The following PBX1 variants were observed in gnomAD, a reference collection of about 807,000 sequenced individuals.
The protein encoded by PBX1 is pre-B-cell leukemia transcription factor 1.
PBX1 carries 6 observed loss-of-function variants against 53.4 expected under a neutral mutation model. The ratio of observed to expected loss-of-function variants is 0.11; its 90% CI spans 0.06 to 0.22. The LOEUF (loss-of-function observed/expected upper bound fraction) is 0.22. Ranked by LOEUF, PBX1 falls within the 10% of genes least tolerant of loss-of-function variation. The pLI is 1.00. For missense variants in PBX1, 251 were observed against 551.4 expected, an observed-to-expected ratio of 0.46 and a Z score of 5.46; for synonymous variants, 204 against 212.3, an observed-to-expected ratio of 0.96 and a Z score of 0.34.
intron 2 of PBX1, among the ~76,000 whole-genome samples, chr1:164,742,126 A>G (rs1026426444): frequency 1.3e-5 from 2 of 152,166 alleles, no homozygotes; most frequent in Non-Finnish European, 2.9e-5. Context: ...GAAACTGCAG[A>G]TTAGGGAAAC....
chr1:164,803,437 T>G (rs1669184521), intron 4 of PBX1, among the ~76,000 whole-genome samples: 1 of 152,190 alleles, frequency 6.6e-6, no homozygotes, highest in Admixed American at 6.5e-5. Flanking sequence ...ATTCCTTGAG[T>G]GCTTACTATA....
intron 2 of PBX1, among the ~76,000 whole-genome samples, chr1:164,675,871 A>C (rs1661405285): frequency 6.6e-6 from 1 of 152,100 alleles, no homozygotes; most frequent in Non-Finnish European, 1.5e-5. Flanking sequence ...CTTTTTGTGC[A>C]TGCCCGTGTT....
chr1:164,640,464 C>T (rs1659052265), intron 2 of PBX1, among the ~76,000 whole-genome samples: 1 of 151,772 alleles, frequency 6.6e-6, no homozygotes, highest in Non-Finnish European at 1.5e-5. Flanking sequence ...CCTGGTGCAA[C>T]ACACATACTG....
chr1:164,854,458 T>TCTTA (rs762572907), downstream of PBX1: 5 of 152,138 alleles, frequency 3.3e-5, no homozygotes, highest in Non-Finnish European at 7.3e-5. Context: ...AAGAACCTAG[T>TCTTA]CTTATCAAAT....
intron 1 of PBX1, among the ~76,000 whole-genome samples, chr1:164,561,964 AC>A (rs1249518551): frequency 6.6e-6 from 1 of 150,856 alleles, no homozygotes; most frequent in Non-Finnish European, 1.5e-5. Flanking sequence ...TTTTTTTTCT[AC>A]CCCACATGAG....
intron 2 of PBX1, among the ~76,000 whole-genome samples, chr1:164,615,502 G>A (rs1657220897): frequency 6.6e-6 from 1 of 151,862 alleles, no homozygotes; most frequent in South Asian, 2.1e-4. Context: ...TTATACTGTG[G>A]TGATTCCCTA....
At chr1:164,827,031 A>G (rs2102379591) in intron 8 of PBX1, among the ~76,000 whole-genome samples, 1 of 152,356 alleles carries the variant, frequency 6.6e-6, no homozygotes, top group South Asian at 2.1e-4. Flanking sequence ...TTTACCAAGT[A>G]AATAAATAGT....
intron 2 of PBX1, among the ~76,000 whole-genome samples, chr1:164,632,935 T>G (rs1198705646): frequency 6.6e-6 from 1 of 152,134 alleles, no homozygotes; most frequent in African/African-American, 2.4e-5. Flanking sequence ...AGTTAAGACC[T>G]GGAAGAGACT....
intron 2 of PBX1, chr1:164,626,123 G>C: frequency 9.8e-7 from 1 of 1,021,794 alleles, no homozygotes; most frequent in Non-Finnish European, 1.2e-6. Flanking sequence ...TTTGCAGGCT[G>C]AATGGCCAGT....
intron 2 of PBX1, among the ~76,000 whole-genome samples, chr1:164,615,472 C>G (rs1571071169): frequency 6.6e-6 from 1 of 151,166 alleles, no homozygotes; most frequent in East Asian, 1.9e-4. Context: ...ACTATTTGTT[C>G]AGGTGTAATA....
At chr1:164,598,086 C>A (rs1352777748) in intron 2 of PBX1, among the ~76,000 whole-genome samples, 2 of 152,062 alleles carry the variant, frequency 1.3e-5, no homozygotes, top group African/African-American at 4.8e-5. Flanking sequence ...AGGGCAGGAG[C>A]AAGAGAGCCA....
intron 2 of PBX1, among the ~76,000 whole-genome samples, chr1:164,877,024 A>G (rs1187462912): frequency 6.6e-6 from 1 of 152,144 alleles, no homozygotes; most frequent in Non-Finnish European, 1.5e-5. Flanking sequence ...CCATGTGCCA[A>G]ATACTCCACT....
intron 2 of PBX1, among the ~76,000 whole-genome samples, chr1:164,870,065 G>T (rs1044861351): frequency 6.6e-6 from 1 of 152,198 alleles, no homozygotes; most frequent in Admixed American, 6.5e-5. Flanking sequence ...GCTCAGGAGG[G>T]TTTAAGTAGA....
In PBX1 at chr1:164,603,929, A is replaced by ATTTTTTTTTTTTTT. The variant is rs71583414; in HGVS notation, c.265+40638_265+40651dup. 1.0e-3 allele frequency among the ~76,000 whole-genome samples: 79 copies of ATTTTTTTTTTTTTT among 75,758 alleles called. 18 individuals carry two copies. Among genetic ancestry groups the ATTTTTTTTTTTTTT allele is most frequent in the East Asian group, 1.9e-3 (3 of 1,580 alleles). The allele number at this position is 75,758 out of a possible 152,430, so 49.7% of individuals were successfully genotyped here. A position where few individuals can be genotyped will look rare whatever the true frequency, so the allele number is the denominator to read the frequency against. ...GACACTCTGTACATTATGTCATTTCATTTTTTTTTTTTTTTTTTTTTTTTT... is the reference window on the plus strand; with the variant it reads ...GACACTCTGTACATTATGTCATTTCATTTTTTTTTTTTTTTTTTTTTTTTTTTTTTTTTTTTTTT... On this transcript the variant is annotated intron_variant, in intron 2 of 8. Coordinates refer to ENST00000420696, the MANE Select transcript of PBX1 (RefSeq NM_002585.4).
At chr1:164,874,557 C>T (rs996416623) in intron 2 of PBX1, among the ~76,000 whole-genome samples, 6 of 152,008 alleles carry the variant, frequency 3.9e-5, no homozygotes, top group Non-Finnish European at 7.4e-5. Flanking sequence ...TGTAGTGGTG[C>T]GATCTTGACT....
chr1:164,689,913 C>T (rs1662361859), intron 2 of PBX1, among the ~76,000 whole-genome samples: 1 of 152,100 alleles, frequency 6.6e-6, no homozygotes, highest in Non-Finnish European at 1.5e-5. Context: ...ATACAGTTCT[C>T]TCCCTAAGTG....
chr1:164,627,108 G>A (rs1658097050), intron 2 of PBX1, among the ~76,000 whole-genome samples: 1 of 152,156 alleles, frequency 6.6e-6, no homozygotes, highest in Non-Finnish European at 1.5e-5. Context: ...TATTACTAAT[G>A]CCTTGACAGG....
intron 2 of PBX1, among the ~76,000 whole-genome samples, chr1:164,569,564 ATTTTTTTTT>A (rs71097535): frequency 2.9e-4 from 23 of 78,194 alleles, no homozygotes; most frequent in East Asian, 1.1e-3. Flanking sequence ...TTTTCCTTGC[ATTTTTTTTT>A]TTTTTTTTTT....
At chr1:164,645,033 G>A (rs1237443202) in intron 2 of PBX1, among the ~76,000 whole-genome samples, 1 of 152,134 alleles carries the variant, frequency 6.6e-6, no homozygotes, top group South Asian at 2.1e-4. Flanking sequence ...CATTGGGCAC[G>A]GTGTATATCT....
Sources: allele counts gnomAD v4.1 joint callset (sites outside exome capture counted in the v4.1 genomes callset), GRCh38; gene constraint gnomAD v4.1.1; transcripts MANE v1.5; gene names NCBI Gene and HGNC (gene_info 2026-07-23, HGNC 2026-07-21).